The following LMO7 variants were observed in gnomAD, a reference collection of about 807,000 sequenced individuals.
LMO7 encodes LIM domain only protein 7.
In LMO7, 120 loss-of-function variants were observed where a neutral mutation model predicts 206.5. That is an observed-to-expected ratio of 0.58 (90% CI 0.50 to 0.68). LMO7 has a LOEUF of 0.68. Ranked by LOEUF, LMO7 falls within the 30% of genes least tolerant of loss-of-function variation. The pLI is 0.00. For missense variants in LMO7, 1,959 were observed against 1,957.9 expected (o/e 1.00, Z -0.01); for synonymous variants, 706 against 681.5 (o/e 1.04, Z -0.56).
chr13:75,737,857 A>AC (rs1218389056), intron 3 of LMO7, among the ~76,000 whole-genome samples: 2 of 144,920 alleles, frequency 1.4e-5, no homozygotes, highest in Non-Finnish European at 1.5e-5. Flanking sequence ...AAAAAAAAAA[A>AC]AAAAAAACAC....
chr13:75,636,453 G>A lies in LMO7; in HGVS notation c.-205G>A. On this transcript the variant is annotated 5_prime_UTR_variant, in exon 1 of 31. Transcript: ENST00000377534. Reference sequence around the variant, plus strand: ...CTTTCAGGAGTTTAGAGAAAGCCAGGTCTTCACGTTCGTGTAGGTTCGAGA... The same window carrying A: ...CTTTCAGGAGTTTAGAGAAAGCCAGATCTTCACGTTCGTGTAGGTTCGAGA... The A allele has an allele frequency of 7.1e-7, 1 of 1,417,012 alleles. No individual in the cohort carries two copies. The highest frequency in any genetic ancestry group is 9.2e-7 in the Non-Finnish European group (1 of 1,091,204). The allele number at this position is 1,417,012 out of a possible 1,614,324, so 87.8% of individuals were successfully genotyped here.
intron 4 of LMO7, among the ~76,000 whole-genome samples, chr13:75,784,736 A>G (rs2052126033): frequency 6.6e-6 from 1 of 152,226 alleles, no homozygotes; most frequent in African/African-American, 2.4e-5. Context: ...AATTTCCACA[A>G]AACCTAAAGA....
intron 1 of LMO7, among the ~76,000 whole-genome samples, chr13:75,689,412 A>T (rs1296187390): frequency 6.6e-6 from 1 of 152,204 alleles, no homozygotes; most frequent in Non-Finnish European, 1.5e-5. Context: ...TTTCATGAAC[A>T]TACTCAATTT....
At chr13:75,822,071 A>T (rs2057636198) in intron 14 of LMO7, among the ~76,000 whole-genome samples, 1 of 152,130 alleles carries the variant, frequency 6.6e-6, no homozygotes, top group South Asian at 2.1e-4. Context: ...TAATTATTAG[A>T]ATATATCTTA....
rs1258373206 is a variant in LMO7 at position 75,805,734 on chromosome 13, A to C, written c.1170A>C (p.Pro390=). The stretch of plus-strand genomic sequence containing the variant: ...GAATAAAAAGGGAAACTTATAAGCC[A>C]TGGTATAAAGAATTTCAGGGATTCA... ...WKRIKRETYK[P]WYKEFQGFSQ... The change falls in exon 9 of 31, where the codon CCA becomes CCC. Residue 390 remains proline, a synonymous_variant. Transcript: ENST00000377534. The C allele has an allele frequency of 6.2e-7, 1 of 1,613,828 alleles. No homozygotes were observed. The highest frequency in any genetic ancestry group is 8.5e-7 in the Non-Finnish European group (1 of 1,179,854).
intron 21 of LMO7, 78 bp from the exon 22 acceptor site, chr13:75,840,309 ATGTG>A: frequency 6.7e-7 from 1 of 1,490,544 alleles, no homozygotes; most frequent in Non-Finnish European, 9.3e-7. Context: ...TGAATAATTT[ATGTG>A]TGCAAAAGTG....
intron 3 of LMO7, among the ~76,000 whole-genome samples, chr13:75,733,687 A>G (rs1354057683): frequency 6.6e-6 from 1 of 152,198 alleles, no homozygotes; most frequent in Non-Finnish European, 1.5e-5. Flanking sequence ...GGTACTGCAG[A>G]TGGAAATGCA....
intron 2 of LMO7, among the ~76,000 whole-genome samples, chr13:75,625,698 G>A (rs777610957): frequency 6.6e-6 from 1 of 152,162 alleles, no homozygotes; most frequent in Non-Finnish European, 1.5e-5. Context: ...GTAGAGTCAT[G>A]GATAGAACAT....
intron 1 of LMO7, among the ~76,000 whole-genome samples, chr13:75,700,953 C>T (rs983779210): frequency 3.9e-5 from 6 of 152,230 alleles, no homozygotes; most frequent in Admixed American, 3.9e-4. Flanking sequence ...CACTGTACTT[C>T]ATTCCAGTGA....
At chr13:75,764,249 G>A (rs529812019) in intron 4 of LMO7, among the ~76,000 whole-genome samples, 15 of 152,140 alleles carry the variant, frequency 9.9e-5, no homozygotes, top group African/African-American at 1.4e-4. Flanking sequence ...GATCTACCCC[G>A]ATCTGAGGCC....
At chr13:75,831,191 C>T (rs1391751647) in intron 15 of LMO7, among the ~76,000 whole-genome samples, 1 of 152,134 alleles carries the variant, frequency 6.6e-6, no homozygotes, top group Non-Finnish European at 1.5e-5. Flanking sequence ...ATCTGCATTT[C>T]CACATTTAAA....
chr13:75,710,621 A>C (rs1358910198), intron 1 of LMO7, among the ~76,000 whole-genome samples: 1 of 151,748 alleles, frequency 6.6e-6, no homozygotes, highest in Non-Finnish European at 1.5e-5. Context: ...GTGTATAGGA[A>C]TGCTTGTGAT....
intron 3 of LMO7, among the ~76,000 whole-genome samples, chr13:75,752,403 G>A (rs942592504): frequency 2.6e-5 from 4 of 152,098 alleles, no homozygotes; most frequent in African/African-American, 9.7e-5. Context: ...ACAGTGCTGG[G>A]ATTACAGGCA....
At chr13:75,820,908 A>T (rs1336521345) in intron 13 of LMO7, among the ~76,000 whole-genome samples, 1 of 151,904 alleles carries the variant, frequency 6.6e-6, no homozygotes. Context: ...GAGTCAGGAG[A>T]ATTGCTTGAA....
chr13:75,654,509 C>T (rs1416787296), intron 1 of LMO7, among the ~76,000 whole-genome samples: 1 of 152,044 alleles, frequency 6.6e-6, no homozygotes, highest in African/African-American at 2.4e-5. Context: ...TCCCTTGGCA[C>T]AGGAAGGGAG....
intron 4 of LMO7, among the ~76,000 whole-genome samples, chr13:75,769,107 AT>A (rs1024865113): frequency 7.2e-5 from 11 of 151,920 alleles, no homozygotes; most frequent in Non-Finnish European, 1.3e-4. Flanking sequence ...ATAAAACTTT[AT>A]TTTTTTTCTT....
intron 28 of LMO7, 97 bp from the exon 29 acceptor site, chr13:75,855,163 A>G (rs1369977002): frequency 1.4e-6 from 1 of 714,534 alleles, no homozygotes. Flanking sequence ...AGCTTTTCTT[A>G]AATTATTATC....
Position 75,636,529 on chromosome 13 carries a change from C to A in LMO7, c.-129C>A. On this transcript the variant is annotated 5_prime_UTR_variant, in exon 1 of 31. Coordinates refer to ENST00000377534, the MANE Select transcript of LMO7 (RefSeq NM_001306080.2). The stretch of plus-strand genomic sequence containing the variant: ...AAGGGAACTAGAGCCCCGGCGCCTT[C>A]GCAGCCGGAGCGGAAGCCGGAGTTG... 4 of 1,518,202 alleles carry A rather than the reference C, an allele frequency of 2.6e-6. No homozygotes were observed. The highest frequency in any genetic ancestry group is 3.5e-6 in the Non-Finnish European group (4 of 1,140,612). The allele number at this position is 1,518,202 out of a possible 1,614,324, so 94.0% of individuals were successfully genotyped here. A position where few individuals can be genotyped will look rare whatever the true frequency, so the allele number is the denominator to read the frequency against.
intron 3 of LMO7, among the ~76,000 whole-genome samples, chr13:75,751,265 A>G (rs1283761721): frequency 1.4e-5 from 2 of 139,138 alleles, no homozygotes; most frequent in African/African-American, 2.7e-5. Flanking sequence ...GGTTCACACC[A>G]TTCTCCTGCC....
Sources: gnomAD v4.1 joint callset for allele counts (sites outside exome capture counted in the v4.1 genomes callset) on GRCh38, gnomAD v4.1.1 for gene constraint, MANE v1.5 for transcripts, NCBI Gene and HGNC (gene_info 2026-07-23, HGNC 2026-07-21) for gene names.